The following DCAF4 variants were observed in gnomAD, a reference collection of about 807,000 sequenced individuals.
DCAF4 encodes the protein DDB1- and CUL4-associated factor 4.
DCAF4 carries 37 observed loss-of-function variants against 60.9 expected under a neutral mutation model. The ratio of observed to expected loss-of-function variants is 0.61; its 90% confidence interval spans 0.47 to 0.80. The LOEUF (loss-of-function observed/expected upper bound fraction) is 0.80, where lower values mean the gene tolerates loss of function less well. Among genes scored for constraint, DCAF4 ranks in the 30% least tolerant of loss-of-function variants. The probability of loss-of-function intolerance (pLI) is 0.00; values close to 1 mark genes in which losing one functional copy is unlikely to be tolerated. For synonymous variants in DCAF4, 243 were observed against 254.8 expected (o/e 0.95, Z 0.44); for missense variants, 577 against 650.0 (o/e 0.89, Z 1.22).
At chr14:72,961,829 C>G, downstream of DCAF4, 2 of 1,056,528 alleles carry the variant, frequency 1.9e-6, no homozygotes, top group Non-Finnish European at 2.3e-6. Context: ...CAGGCTCAGG[C>G]CTCTCTCTCC....
At chr14:72,944,959 C>T (rs771551490) in intron 6 of DCAF4, among the ~76,000 whole-genome samples, 3 of 150,686 alleles carry the variant, frequency 2.0e-5, no homozygotes, top group South Asian at 2.1e-4. Context: ...TGTGGTGGTG[C>T]GCACCTGTAG....
chr14:72,935,348 G>C lies in DCAF4; in HGVS notation c.-8-2623G>C, dbSNP rs1784919435. On this transcript the variant is annotated intron_variant, in intron 1 of 13. Coordinates refer to ENST00000358377, the MANE Select transcript of DCAF4 (RefSeq NM_015604.4). ...CAGCTCACTGCAACCTCCGCCACCT[G>C]GGTTCAAACGATTCTCCTGCCTCAG... Among the ~76,000 whole-genome samples, 7 of 151,626 alleles carry C rather than the reference G, an allele frequency of 4.6e-5. No individual in the cohort carries two copies. The South Asian group carries it at 1.5e-3, about 31-fold the overall frequency.
rs1594803487 is a variant in DCAF4 at position 72,955,449 on chromosome 14, C to G, written c.1006-74C>G. 6 of 1,543,618 alleles carry G rather than the reference C, an allele frequency of 3.9e-6. No individual in the cohort carries two copies. The East Asian group carries it at 1.3e-4, about 35-fold the overall frequency. On this transcript the variant is annotated intron_variant, in intron 11 of 13. Coordinates refer to ENST00000358377, the MANE Select transcript of DCAF4 (RefSeq NM_015604.4). ...CCAGAGGCTGGAAGAGGGGTTGTAT[C>G]AGGAGGACCTGCCCTGCCCAGCCTC... is the stretch of plus-strand genomic sequence containing the variant.
At chr14:72,949,104 C>A (rs1465146707) in intron 8 of DCAF4, among the ~76,000 whole-genome samples, 2 of 152,104 alleles carry the variant, frequency 1.3e-5, no homozygotes, top group African/African-American at 4.8e-5. Flanking sequence ...TAATTTGGAG[C>A]TTACTACCCA....
intron 1 of DCAF4, among the ~76,000 whole-genome samples, chr14:72,927,327 G>C (rs1212946727): frequency 2.7e-5 from 4 of 148,520 alleles, no homozygotes; most frequent in African/African-American, 7.5e-5. Flanking sequence ...ATGGAAATTA[G>C]AGTCGCGGTG....
chr14:72,954,259 A>G lies in DCAF4; in HGVS notation c.904A>G (p.Thr302Ala), dbSNP rs932569069. The G allele has an allele frequency of 1.9e-6, 3 of 1,614,194 alleles. No individual in the cohort carries two copies. ...LNIQANNCFSTGLSRRVLLTN... is the reference protein window; with the variant it reads ...LNIQANNCFSAGLSRRVLLTN... ...TATCCAAGCAAATAACTGCTTCAGT[A>G]CAGGTGAGCCTGGCTCCCCAGGTGC... Residue 302 changes from threonine (T) to alanine (A), a missense_variant, in exon 10 of 14, where the codon ACA becomes GCA. Coordinates refer to ENST00000358377, the MANE Select transcript of DCAF4 (RefSeq NM_015604.4).
In DCAF4 at chr14:72,939,917, G is replaced by A. The variant is rs776400170; in HGVS notation, c.193+15G>A. On this transcript the variant is annotated intron_variant, in intron 3 of 13. Transcript: ENST00000358377. ...CTCTGTGCCAGGTAAGGCCACTTGC[G>A]GGGTGGGAATCCTGGCCCTTGCACA... The A allele has an allele frequency of 3.7e-5, 59 of 1,588,086 alleles. No homozygotes were observed. The highest frequency in any genetic ancestry group is 4.5e-5 in the Non-Finnish European group (53 of 1,167,278).
chr14:72,961,085 CTA>C, downstream of DCAF4, among the ~76,000 whole-genome samples: 1 of 151,936 alleles, frequency 6.6e-6, no homozygotes, highest in East Asian at 1.9e-4. Flanking sequence ...TGGCGTCTCC[CTA>C]TGTTTCCCAG....
intron 8 of DCAF4, 149 bp downstream of exon 8, chr14:72,947,340 C>A: frequency 1.1e-6 from 1 of 919,130 alleles, no homozygotes; most frequent in Non-Finnish European, 1.8e-6. Context: ...AAAAAAGCAG[C>A]GTACCTGGAT....
intron 1 of DCAF4, chr14:72,935,171 T>G (rs1271355381): frequency 6.6e-6 from 1 of 152,242 alleles, no homozygotes; most frequent in Non-Finnish European, 1.5e-5. Flanking sequence ...ACAGGCTTCT[T>G]AAAAGTACTA....
intron 9 of DCAF4, among the ~76,000 whole-genome samples, chr14:72,952,690 T>C (rs1264639822): frequency 4.3e-5 from 5 of 115,440 alleles, no homozygotes; most frequent in Admixed American, 1.0e-4. Flanking sequence ...TCTTGTCTTG[T>C]CTTTTTTTTT....
chr14:72,948,027 C>T lies in DCAF4; in HGVS notation c.728+836C>T, dbSNP rs1323628310. On this transcript the variant is annotated intron_variant, in intron 8 of 13. Transcript: ENST00000358377. ...ATGTGACTACTCATTGTACCTCACACCTACTTCCTGAGTTGTGGTGAGATT... is the reference window on the plus strand; with the variant it reads ...ATGTGACTACTCATTGTACCTCACATCTACTTCCTGAGTTGTGGTGAGATT... Among the ~76,000 whole-genome samples, 3 of 152,292 alleles carry T rather than the reference C, an allele frequency of 2.0e-5. No homozygotes were observed. The East Asian group carries it at 5.8e-4, about 29-fold the overall frequency.
chr14:72,953,757 ATATATAGTTT>A (rs1193817205), intron 9 of DCAF4, among the ~76,000 whole-genome samples: 5,139 of 70,204 alleles, frequency 0.073, 1,337 homozygotes, highest in Non-Finnish European at 0.13. Context: ...ATATATATAT[ATATATAGTTT>A]ATTTATTTAT....
chr14:72,942,899 ATGG>A, intron 5 of DCAF4, 92 bp from the exon 6 acceptor site: 4 of 1,063,756 alleles, frequency 3.8e-6, no homozygotes, highest in East Asian at 2.5e-5. Flanking sequence ...ACGAGGAGAG[ATGG>A]GCGTCAGCGG....
At chr14:72,956,269 G>A in intron 12 of DCAF4, 117 bp from the exon 13 acceptor site, 2 of 684,220 alleles carry the variant, frequency 2.9e-6, no homozygotes, top group Non-Finnish European at 2.4e-6. Context: ...TCGAGATGGA[G>A]ATCTTCATGA....
chr14:72,931,263 C>CTTTTTTTTTTTTTTT (rs370127536), intron 1 of DCAF4, among the ~76,000 whole-genome samples: 8 of 126,800 alleles, frequency 6.3e-5, no homozygotes, highest in Non-Finnish European at 1.3e-4. Flanking sequence ...TACTTTTTCT[C>CTTTTTTTTTTTTTTT]TTTTTTTTTT....
At chr14:72,958,112 C>CA (rs1220489760) in intron 13 of DCAF4, 4,754 of 150,476 alleles carry the variant, frequency 0.032, 146 homozygotes, top group African/African-American at 0.082. Flanking sequence ...GACCCTATCT[C>CA]AAAAAAAAAA....
intron 7 of DCAF4, 27 bp from the exon 8 acceptor site, chr14:72,947,115 C>G: frequency 6.2e-7 from 1 of 1,614,124 alleles, no homozygotes; most frequent in Non-Finnish European, 8.5e-7. Flanking sequence ...GAATAACTTT[C>G]CATCTCGCTG....
At position 72,928,607 on chromosome 14, in the gene DCAF4, A is replaced by G. The variant is rs1009531031; in HGVS notation, c.-9+2064A>G. Among the ~76,000 whole-genome samples the G allele has an allele frequency of 3.9e-3, 383 of 97,820 alleles. 6 individuals carry two copies. The highest frequency in any genetic ancestry group is 0.011 in the African/African-American group (348 of 30,762). 64.2% of individuals were successfully genotyped at this position (97,820 alleles called of 152,430 possible). A position where few individuals can be genotyped will look rare whatever the true frequency, so the allele number is the denominator to read the frequency against. On this transcript the variant is annotated intron_variant, in intron 1 of 13. Coordinates refer to ENST00000358377, the MANE Select transcript of DCAF4 (RefSeq NM_015604.4). ...CCTTTATATATATATATATATATAT[A>G]TATATATATAGTTCACATACCCTAA... is the stretch of plus-strand genomic sequence containing the variant.
Sources: allele counts gnomAD v4.1 joint callset (sites outside exome capture counted in the v4.1 genomes callset), GRCh38; gene constraint gnomAD v4.1.1; transcripts MANE v1.5; gene names NCBI Gene and HGNC (gene_info 2026-07-23, HGNC 2026-07-21).